The following GALNT2 variants were observed in gnomAD, a reference collection of about 807,000 sequenced individuals.
The protein encoded by GALNT2 is polypeptide N-acetylgalactosaminyltransferase 2, also known as UDP-GalNAc:polypeptide N-acetylgalactosaminyltransferase 2.
A neutral mutation model predicts 81.4 loss-of-function variants in GALNT2; 31 were observed. The observed-to-expected ratio is 0.38, with a 90% CI of 0.29 to 0.51. GALNT2 has a LOEUF of 0.51. Among genes scored for constraint, GALNT2 ranks in the 20% least tolerant of loss-of-function variants. GALNT2 has a pLI of 0.87. For missense variants in GALNT2, 629 were observed against 765.7 expected, an observed-to-expected ratio of 0.82 and a Z score of 2.11; for synonymous variants, 303 against 287.4, an observed-to-expected ratio of 1.05 and a Z score of -0.55.
At chr1:230,163,861 G>A (rs140146003) in intron 1 of GALNT2, among the ~76,000 whole-genome samples, 112 of 152,338 alleles carry the variant, frequency 7.4e-4, no homozygotes, top group African/African-American at 2.6e-3. Context: ...GTGTCAGTGA[G>A]CTTATTGGAT....
intron 2 of GALNT2, among the ~76,000 whole-genome samples, chr1:230,192,791 C>T (rs1403922689): frequency 6.6e-6 from 1 of 152,016 alleles, no homozygotes; most frequent in Non-Finnish European, 1.5e-5. Context: ...TTTGGATTTC[C>T]TGGTTTTTTT....
intron 1 of GALNT2, among the ~76,000 whole-genome samples, chr1:230,166,726 A>G (rs1458818796): frequency 6.6e-6 from 1 of 152,172 alleles, no homozygotes; most frequent in Non-Finnish European, 1.5e-5. Flanking sequence ...CCCTTTTCCC[A>G]AAATCCAGAT....
chr1:230,252,840 C>CTTT (rs1572140794), intron 10 of GALNT2, among the ~76,000 whole-genome samples: 1 of 80,548 alleles, frequency 1.2e-5, no homozygotes, highest in African/African-American at 5.3e-5. Flanking sequence ...ATAGAGACAA[C>CTTT]TTCTTTTTTT....
At chr1:230,274,876 G>A (rs1666243713) in intron 15 of GALNT2, among the ~76,000 whole-genome samples, 1 of 151,840 alleles carries the variant, frequency 6.6e-6, no homozygotes, top group African/African-American at 2.4e-5. Flanking sequence ...AATGATTAAT[G>A]TTCACATGGA....
Position 230,263,025 on chromosome 1 carries a change from G to A in GALNT2, c.1313+20G>A, listed in dbSNP as rs1211625568. ...GTTAAGGTAAGTCCCCAGGGATCTG[G>A]GGTTTCACTTTGTAAGGGCTTAGAA... On this transcript the variant is annotated intron_variant, in intron 13 of 15. Coordinates refer to ENST00000366672, the MANE Select transcript of GALNT2 (RefSeq NM_004481.5). 1.9e-6 allele frequency: 3 copies of A among 1,602,416 alleles called. No homozygotes were observed. The highest frequency in any genetic ancestry group is 1.3e-5 in the African/African-American group (1 of 74,642).
intron 1 of GALNT2, among the ~76,000 whole-genome samples, chr1:230,071,458 C>T: frequency 6.6e-6 from 1 of 152,228 alleles, no homozygotes; most frequent in Admixed American, 6.5e-5. Flanking sequence ...CAGACGTGTC[C>T]CTGAACGAGG....
intron 1 of GALNT2, among the ~76,000 whole-genome samples, chr1:230,072,746 C>T (rs1054481227): frequency 6.6e-6 from 1 of 152,198 alleles, no homozygotes; most frequent in African/African-American, 2.4e-5. Context: ...CCTGAGTGCC[C>T]TCCGGTTCCT....
At chr1:230,131,124 G>T (rs549790819) in intron 1 of GALNT2, among the ~76,000 whole-genome samples, 13 of 148,404 alleles carry the variant, frequency 8.8e-5, no homozygotes, top group African/African-American at 3.2e-4. Flanking sequence ...CAAAACGTTT[G>T]TTTTTTTTTT....
At chr1:230,141,930 G>A (rs571211971) in intron 1 of GALNT2, among the ~76,000 whole-genome samples, 81 of 151,636 alleles carry the variant, frequency 5.3e-4, no homozygotes, top group African/African-American at 1.9e-3. Context: ...AGGATGACAA[G>A]TGCTTACCAC....
chr1:230,137,896 C>T (rs1311642473), intron 1 of GALNT2, among the ~76,000 whole-genome samples: 1 of 152,204 alleles, frequency 6.6e-6, no homozygotes, highest in African/African-American at 2.4e-5. Flanking sequence ...AGATTTCCTT[C>T]AAGTCTTTAA....
rs938882809 is a variant in GALNT2, at chr1:230,150,381, T to C, written c.127-27837T>C. Reference sequence around the variant, plus strand: ...TGTCATATTTCTTCTCAGAAACTTATATTTGGATAAAACAAAAATCCTTTT... The same window carrying C: ...TGTCATATTTCTTCTCAGAAACTTACATTTGGATAAAACAAAAATCCTTTT... On this transcript the variant is annotated intron_variant, in intron 1 of 15. Transcript: ENST00000366672. 2.6e-5 allele frequency among the ~76,000 whole-genome samples: 4 copies of C among 152,256 alleles called. 1 individual carries two copies.
chr1:230,060,258 G>A (rs1256726878), intron 1 of GALNT2, among the ~76,000 whole-genome samples: 1 of 152,048 alleles, frequency 6.6e-6, no homozygotes, highest in Non-Finnish European at 1.5e-5. Context: ...ATTTTCATTT[G>A]AATATATTCT....
At chr1:230,102,916 G>A (rs1231197034) in intron 1 of GALNT2, among the ~76,000 whole-genome samples, 1 of 152,186 alleles carries the variant, frequency 6.6e-6, no homozygotes, top group African/African-American at 2.4e-5. Context: ...AGAATACTCA[G>A]AAGGTAGCAT....
In GALNT2 at chr1:230,275,268, C is replaced by T. The variant is rs918723918; in HGVS notation, c.1560+704C>T. Among the ~76,000 whole-genome samples, 1 of 151,278 alleles carries T rather than the reference C, an allele frequency of 6.6e-6. No homozygotes were observed. Among genetic ancestry groups the T allele is most frequent in the Non-Finnish European group, 1.5e-5 (1 of 67,784 alleles). On this transcript the variant is annotated intron_variant, in intron 15 of 15. Transcript: ENST00000366672. This position sits in a 1 kb window ranked among gnomAD's most constrained non-coding sequence, Gnocchi z 5.5. ...CGCATATATACATATATACACACCA[C>T]ATGTATACGTATATATAGATGCCAC...
At position 230,243,234 on chromosome 1, in the gene GALNT2, G is replaced by A. The variant is rs945650328; in HGVS notation, c.608-72G>A. 94 of 1,494,340 alleles carry A rather than the reference G, an allele frequency of 6.3e-5. No individual in the cohort carries two copies. The highest frequency in any genetic ancestry group is 3.2e-4 in the Admixed American group (15 of 46,360). The allele number at this position is 1,494,340 out of a possible 1,614,324, so 92.6% of individuals were successfully genotyped here. ...GCAGAGCTGCGGGCAGGGAGGCGTC[G>A]CCGGTTGGCATGGGGTTGTGCTGGC... On this transcript the variant is annotated intron_variant, in intron 6 of 15. Transcript: ENST00000366672. The surrounding 1 kb of genome is among the most constrained non-coding windows in gnomAD (Gnocchi z 4.2).
intron 1 of GALNT2, among the ~76,000 whole-genome samples, chr1:230,157,674 G>A (rs1464282608): frequency 1.3e-5 from 2 of 152,182 alleles, no homozygotes; most frequent in East Asian, 1.9e-4. Flanking sequence ...AGACAAGCAC[G>A]GTTCACACAA....
At chr1:230,175,567 C>G (rs1426197844) in intron 1 of GALNT2, among the ~76,000 whole-genome samples, 1 of 99,648 alleles carries the variant, frequency 1.0e-5, no homozygotes, top group Non-Finnish European at 2.0e-5. Flanking sequence ...CCTTCCCCTC[C>G]TCCTCTGCCT....
chr1:230,207,137 A>T (rs976620457), intron 3 of GALNT2, among the ~76,000 whole-genome samples: 2 of 152,060 alleles, frequency 1.3e-5, no homozygotes, highest in African/African-American at 4.8e-5. Context: ...AAATTCAATA[A>T]GTATTTGCTG....
In GALNT2 at chr1:230,243,259, C is replaced by G; in HGVS notation, c.608-47C>G. On this transcript the variant is annotated intron_variant, in intron 6 of 15. Coordinates refer to ENST00000366672, the MANE Select transcript of GALNT2 (RefSeq NM_004481.5). This position sits in a 1 kb window ranked among gnomAD's most constrained non-coding sequence, Gnocchi z 4.2. ...GCCGGTTGGCATGGGGTTGTGCTGG[C>G]CCTGTGGCTTCTCTCTCCTGACGTG... 1.9e-6 allele frequency: 3 copies of G among 1,556,520 alleles called. No individual in the cohort carries two copies. The highest frequency in any genetic ancestry group is 2.6e-6 in the Non-Finnish European group (3 of 1,152,830).
Sources: gnomAD v4.1 joint callset for allele counts (sites outside exome capture counted in the v4.1 genomes callset) on GRCh38, gnomAD v4.1.1 for gene constraint, Gnocchi (gnomAD v3.1) non-coding constraint, MANE v1.5 for transcripts, NCBI Gene and HGNC (gene_info 2026-07-23, HGNC 2026-07-21) for gene names.